Variants in KAZN observed in about 807,000 individuals in gnomAD.
The protein encoded by KAZN is kazrin, periplakin interacting protein, also known as kazrin.
In KAZN, 40 loss-of-function variants were observed where a neutral mutation model predicts 87.4. The observed-to-expected ratio is 0.46, with a 90% CI of 0.36 to 0.60. KAZN has a LOEUF of 0.60. KAZN is among the 20% of genes least tolerant of loss of function. KAZN has a pLI of 0.00. For missense variants in KAZN, 898 were observed against 1,073.9 expected, an observed-to-expected ratio of 0.84 and a Z score of 2.29; for synonymous variants, 466 against 458.3, an observed-to-expected ratio of 1.02 and a Z score of -0.22.
Position 14,089,055 on chromosome 1 carries a change from G to A in KAZN, c.92-91380G>A, listed in dbSNP as rs558671688. 6.1e-4 allele frequency among the ~76,000 whole-genome samples: 92 copies of A among 150,384 alleles called. 1 individual carries two copies. In the South Asian group the frequency reaches 0.018, roughly 30 times the overall value. On this transcript the variant is annotated intron_variant, in intron 1 of 16. Coordinates refer to the KAZN transcript ENST00000636203. ...GCAATTTTAGGTCTACAGCAAAACT[G>A]AGAAGGTGCAAAGATTTCCATATTC...
intron 1 of KAZN, among the ~76,000 whole-genome samples, chr1:14,075,205 A>G (rs1643405011): frequency 6.6e-6 from 1 of 152,224 alleles, no homozygotes; most frequent in Non-Finnish European, 1.5e-5. Context: ...GAGAATTACA[A>G]AAATCCTCAG....
At chr1:14,272,499 T>A (rs1652025826) in intron 2 of KAZN, among the ~76,000 whole-genome samples, 1 of 152,184 alleles carries the variant, frequency 6.6e-6, no homozygotes, top group African/African-American at 2.4e-5. Flanking sequence ...GCATTCATGT[T>A]TTGCATGCAT....
At chr1:14,117,136 T>G (rs1340398903) in intron 1 of KAZN, among the ~76,000 whole-genome samples, 1 of 152,114 alleles carries the variant, frequency 6.6e-6, no homozygotes, top group African/African-American at 2.4e-5. Context: ...GTTAAGACAT[T>G]GGGGAACTGT....
intron 2 of KAZN, among the ~76,000 whole-genome samples, chr1:14,200,241 A>G (rs1180329756): frequency 6.6e-6 from 1 of 152,164 alleles, no homozygotes; most frequent in Non-Finnish European, 1.5e-5. Context: ...AGGTAGATCT[A>G]TGTTTATTGA....
intron 1 of KAZN, among the ~76,000 whole-genome samples, chr1:14,076,282 A>T (rs1643457198): frequency 2.6e-5 from 4 of 152,056 alleles, no homozygotes. Flanking sequence ...CTCCGTCTAA[A>T]AAAAAAAGGG....
chr1:14,057,013 C>T (rs371643512), intron 1 of KAZN, among the ~76,000 whole-genome samples: 2 of 143,232 alleles, frequency 1.4e-5, no homozygotes, highest in East Asian at 4.1e-4. Flanking sequence ...CACTGTACTC[C>T]AGCCTGAGTG....
intron 1 of KAZN, among the ~76,000 whole-genome samples, chr1:14,018,510 A>G (rs890407252): frequency 5.9e-5 from 9 of 152,142 alleles, no homozygotes; most frequent in African/African-American, 2.2e-4. Context: ...GGGTGTCAAC[A>G]TGACTGGATT....
chr1:14,435,594 C>T (rs1044753022), intron 2 of KAZN, among the ~76,000 whole-genome samples: 11 of 152,190 alleles, frequency 7.2e-5, no homozygotes, highest in African/African-American at 2.7e-4. Context: ...ACCACTACCT[C>T]CTGGGACCCA....
chr1:14,579,420 T>C (rs1675391236), intron 2 of KAZN, among the ~76,000 whole-genome samples: 1 of 151,904 alleles, frequency 6.6e-6, no homozygotes, highest in Non-Finnish European at 1.5e-5. Context: ...AGTCAGGAGA[T>C]TGAGACCACC....
intron 8 of KAZN, among the ~76,000 whole-genome samples, chr1:15,070,742 G>A (rs950533780): frequency 6.6e-6 from 1 of 152,230 alleles, no homozygotes; most frequent in African/African-American, 2.4e-5. Flanking sequence ...TCAGGAGGCT[G>A]AGGCTGAAGC....
intron 1 of KAZN, among the ~76,000 whole-genome samples, chr1:14,867,935 A>G (rs1003327432): frequency 4.6e-5 from 3 of 65,898 alleles, no homozygotes; most frequent in Admixed American, 4.0e-4. Context: ...GTGGGCAGGC[A>G]CAGCCTCACA....
intron 2 of KAZN, among the ~76,000 whole-genome samples, chr1:15,030,930 C>T (rs564658131): frequency 5.3e-5 from 8 of 152,348 alleles, no homozygotes; most frequent in East Asian, 1.9e-4. Flanking sequence ...GCCTCCTCCC[C>T]GTGGTGACAT....
chr1:14,007,434 C>A (rs189598417), intron 1 of KAZN, among the ~76,000 whole-genome samples: 2 of 152,254 alleles, frequency 1.3e-5, no homozygotes, highest in African/African-American at 2.4e-5. Flanking sequence ...CAGCTTCCTC[C>A]TGTGCATTTA....
chr1:14,701,045 T>C (rs996226663), intron 1 of KAZN, among the ~76,000 whole-genome samples: 8 of 152,188 alleles, frequency 5.3e-5, no homozygotes, highest in African/African-American at 1.9e-4. Flanking sequence ...TAGTTCTGTA[T>C]TGGACATTTC....
intron 8 of KAZN, among the ~76,000 whole-genome samples, chr1:15,091,551 C>T (rs375658208): frequency 7.2e-5 from 11 of 152,112 alleles, no homozygotes; most frequent in Non-Finnish European, 1.6e-4. Context: ...GGGATTTCAC[C>T]GTGTTAGCCA....
rs1440122476 is a variant in KAZN, at chr1:15,077,422, G to A, written c.1222+11669G>A. The stretch of plus-strand genomic sequence containing the variant: ...GGCCAGGCAGCAGGGCTCCACGCTT[G>A]TTTCTCAACCCAGAGAAGTGTTCCC... On this transcript the variant is annotated intron_variant, in intron 8 of 14. Coordinates refer to ENST00000376030, the MANE Select transcript of KAZN (RefSeq NM_201628.3). This position sits in a 1 kb window ranked among gnomAD's most constrained non-coding sequence, Gnocchi z 4.8. 6.6e-6 allele frequency among the ~76,000 whole-genome samples: 1 copy of A among 152,196 alleles called. No individual in the cohort carries two copies. Among genetic ancestry groups the A allele is most frequent in the Non-Finnish European group, 1.5e-5 (1 of 68,028 alleles).
In KAZN at chr1:14,617,287, AG is replaced by A. The variant is rs534447877; in HGVS notation, c.226+18065del. On this transcript the variant is annotated intron_variant, in intron 1 of 14. Coordinates refer to ENST00000376030, the MANE Select transcript of KAZN (RefSeq NM_201628.3). The stretch of plus-strand genomic sequence containing the variant: ...AGTCACACAAATTTTTTGGTTTCCC[AG>A]TGCGTATGAAACTTATGTTTACACT... Among the ~76,000 whole-genome samples, 425 of 152,374 alleles carry A rather than the reference AG, an allele frequency of 2.8e-3. 1 individual carries two copies. The highest frequency in any genetic ancestry group is 0.01 in the Middle Eastern group (3 of 294).
intron 2 of KAZN, among the ~76,000 whole-genome samples, chr1:14,451,608 A>G (rs201880910): frequency 1.4e-3 from 184 of 134,536 alleles, no homozygotes; most frequent in Non-Finnish European, 2.7e-3. Context: ...GAGAGAGAGA[A>G]AGAGAGAAAG....
chr1:13,986,602 G>T (rs941111679), intron 1 of KAZN, among the ~76,000 whole-genome samples: 3 of 152,088 alleles, frequency 2.0e-5, no homozygotes, highest in African/African-American at 7.2e-5. Flanking sequence ...CTTGGTTGGG[G>T]GTATACATCA....
Sources: allele counts gnomAD v4.1 joint callset (sites outside exome capture counted in the v4.1 genomes callset), GRCh38; gene constraint gnomAD v4.1.1; non-coding constraint Gnocchi (gnomAD v3.1); transcripts MANE v1.5; gene names NCBI Gene and HGNC (gene_info 2026-07-23, HGNC 2026-07-21).